Variants in DPP10 observed in about 807,000 individuals in gnomAD.
DPP10 encodes dipeptidyl peptidase like 10, also known as inactive dipeptidyl peptidase 10.
Under a neutral mutation model 120.9 loss-of-function variants are expected in DPP10, and 33 were observed. The observed-to-expected ratio is 0.27, with a 90% CI of 0.21 to 0.37. The LOEUF (loss-of-function observed/expected upper bound fraction) is 0.37, where lower values mean the gene tolerates loss of function less well. DPP10 is among the 10% of genes least tolerant of loss of function. The pLI is 1.00. For missense variants in DPP10, 816 were observed against 942.8 expected, an observed-to-expected ratio of 0.87 and a Z score of 1.76; for synonymous variants, 337 against 326.1, an observed-to-expected ratio of 1.03 and a Z score of -0.36.
intron 1 of DPP10, among the ~76,000 whole-genome samples, chr2:114,848,997 G>T (rs115634794): frequency 1.3e-5 from 2 of 152,096 alleles, no homozygotes; most frequent in Non-Finnish European, 2.9e-5. Flanking sequence ...ACTATCTGGG[G>T]CCTCTTTTAT....
intron 1 of DPP10, among the ~76,000 whole-genome samples, chr2:115,248,800 C>T (rs900777703): frequency 6.6e-6 from 1 of 151,962 alleles, no homozygotes; most frequent in Admixed American, 6.6e-5. Context: ...TGCAGATGTA[C>T]CAATCATGCT....
rs115755975 is a variant in DPP10, at chr2:115,092,345, A to C, written c.61-216894A>C. Among the ~76,000 whole-genome samples, 749 of 152,220 alleles carry C rather than the reference A, an allele frequency of 4.9e-3. 11 individuals carry two copies. Among genetic ancestry groups the C allele is most frequent in the Non-Finnish European group, 4.2e-3 (284 of 68,000 alleles). On this transcript the variant is annotated intron_variant, in intron 1 of 25. Coordinates refer to ENST00000410059, the MANE Select transcript of DPP10 (RefSeq NM_020868.6). ...CCTTTTATCATAAAACATCCCATCCATTCTTAAAGAGCCAGCTTATATCTA... is the reference window on the plus strand; with the variant it reads ...CCTTTTATCATAAAACATCCCATCCCTTCTTAAAGAGCCAGCTTATATCTA...
intron 5 of DPP10, among the ~76,000 whole-genome samples, chr2:115,663,994 C>CAATAATAAT (rs70941084): frequency 8.1e-5 from 12 of 148,870 alleles, no homozygotes; most frequent in African/African-American, 2.5e-4. Context: ...GACTCCATCT[C>CAATAATAAT]AATAATAATA....
chr2:115,433,086 G>C (rs1180681561), intron 3 of DPP10, among the ~76,000 whole-genome samples: 1 of 151,976 alleles, frequency 6.6e-6, no homozygotes, highest in African/African-American at 2.4e-5. Flanking sequence ...TTGCTCTCGT[G>C]CTTGAGAGCC....
chr2:115,411,544 G>A (rs1453336868), intron 3 of DPP10, among the ~76,000 whole-genome samples: 1 of 152,124 alleles, frequency 6.6e-6, no homozygotes, highest in East Asian at 1.9e-4. Context: ...TTTGGAATAT[G>A]ATTTAAAGAA....
chr2:114,511,871 T>A (rs1684175623), intron 1 of DPP10, among the ~76,000 whole-genome samples: 1 of 152,188 alleles, frequency 6.6e-6, no homozygotes, highest in Non-Finnish European at 1.5e-5. Context: ...GCATACATTG[T>A]CTGTGAGCTT....
intron 9 of DPP10, among the ~76,000 whole-genome samples, chr2:115,745,358 G>A (rs1017384238): frequency 4.7e-5 from 7 of 150,408 alleles, no homozygotes; most frequent in African/African-American, 2.4e-5. Flanking sequence ...TGCCAGAAAC[G>A]TACCAACTAC....
intron 5 of DPP10, among the ~76,000 whole-genome samples, chr2:115,528,079 A>T (rs190099751): frequency 1.3e-5 from 2 of 152,230 alleles, no homozygotes; most frequent in East Asian, 3.9e-4. Flanking sequence ...TTGGGTATAT[A>T]CCCAGTAATG....
At chr2:114,749,230 C>G (rs1003572165) in intron 1 of DPP10, among the ~76,000 whole-genome samples, 1 of 149,866 alleles carries the variant, frequency 6.7e-6, no homozygotes, top group Non-Finnish European at 1.5e-5. Context: ...TCATGTCCTT[C>G]GCCCACTTTT....
At chr2:115,033,322 C>G (rs892742935) in intron 1 of DPP10, among the ~76,000 whole-genome samples, 10 of 152,174 alleles carry the variant, frequency 6.6e-5, no homozygotes, top group African/African-American at 2.2e-4. Context: ...TGACCTTTCT[C>G]AGACCCTACT....
chr2:114,969,571 G>A (rs1162388625), intron 1 of DPP10, among the ~76,000 whole-genome samples: 2 of 152,128 alleles, frequency 1.3e-5, no homozygotes, highest in East Asian at 3.9e-4. Context: ...TAATCTGCTT[G>A]ACTTCTTGAA....
intron 1 of DPP10, among the ~76,000 whole-genome samples, chr2:115,096,031 T>C (rs1033751919): frequency 6.6e-6 from 1 of 152,100 alleles, no homozygotes; most frequent in African/African-American, 2.4e-5. Context: ...CAAGAAGTCA[T>C]AAAATTTTTA....
intron 7 of DPP10, among the ~76,000 whole-genome samples, chr2:115,714,033 C>A (rs2092411817): frequency 6.6e-6 from 1 of 152,282 alleles, no homozygotes; most frequent in Middle Eastern, 3.4e-3. Context: ...TAAAGTCTAG[C>A]TGTCTAAACA....
rs1028888346 is a variant in DPP10, at chr2:115,560,852, G to A, written c.441+34880G>A. ...AAAGTATTTTGAAGTGAATCATCAGGGACTCTGAGTCAGTGGTCTTGTCTT... is the reference window on the plus strand; with the variant it reads ...AAAGTATTTTGAAGTGAATCATCAGAGACTCTGAGTCAGTGGTCTTGTCTT... On this transcript the variant is annotated intron_variant, in intron 5 of 25. Coordinates refer to ENST00000410059, the MANE Select transcript of DPP10 (RefSeq NM_020868.6). Among the ~76,000 whole-genome samples, 23 of 152,088 alleles carry A rather than the reference G, an allele frequency of 1.5e-4. 1 individual carries two copies. In the South Asian group the frequency reaches 2.5e-3, roughly 17 times the overall value.
chr2:114,917,535 A>G (rs1327731161), intron 1 of DPP10, among the ~76,000 whole-genome samples: 2 of 152,096 alleles, frequency 1.3e-5, no homozygotes, highest in African/African-American at 4.8e-5. Flanking sequence ...AAAAAGCTGG[A>G]GGCATCACCT....
At chr2:115,324,870 A>G (rs1284484236) in intron 2 of DPP10, among the ~76,000 whole-genome samples, 1 of 152,130 alleles carries the variant, frequency 6.6e-6, no homozygotes, top group Admixed American at 6.6e-5. Context: ...CTTAGAGGCT[A>G]CTGTTGCCCT....
At chr2:114,457,775 G>A (rs554314919) in intron 1 of DPP10, among the ~76,000 whole-genome samples, 91 of 152,270 alleles carry the variant, frequency 6.0e-4, no homozygotes, top group African/African-American at 2.1e-3. Context: ...TTGAGTGAGA[G>A]GCAAAGCAGG....
At chr2:114,737,909 A>G (rs1418784454) in intron 1 of DPP10, among the ~76,000 whole-genome samples, 2 of 152,234 alleles carry the variant, frequency 1.3e-5, no homozygotes. Context: ...GCTATGAAGA[A>G]CTACCTGAGA....
intron 1 of DPP10, among the ~76,000 whole-genome samples, chr2:114,768,819 T>C (rs925382533): frequency 1.2e-4 from 18 of 152,206 alleles, no homozygotes; most frequent in Non-Finnish European, 2.2e-4. Context: ...GTACATTCAA[T>C]ATTTGATAAA....
Sources: allele counts gnomAD v4.1 joint callset (sites outside exome capture counted in the v4.1 genomes callset), GRCh38; gene constraint gnomAD v4.1.1; transcripts MANE v1.5; gene names NCBI Gene and HGNC (gene_info 2026-07-23, HGNC 2026-07-21).